Variants in FAM20C observed in about 807,000 individuals in gnomAD.
FAM20C encodes the protein extracellular serine/threonine protein kinase FAM20C.
In FAM20C, 40 loss-of-function variants were observed where a neutral mutation model predicts 51.5. The ratio of observed to expected loss-of-function variants is 0.78; its 90% CI spans 0.60 to 1.01. The LOEUF is 1.01. Ranked by LOEUF, FAM20C falls within the 50% of genes least tolerant of loss-of-function variation. The probability of loss-of-function intolerance (pLI) is 0.00; values close to 1 mark genes in which losing one functional copy is unlikely to be tolerated. For synonymous variants in FAM20C, 406 were observed against 380.6 expected (o/e 1.07, Z -0.78); for missense variants, 861 against 844.7 (o/e 1.02, Z -0.24).
rs988673420 is a variant in FAM20C, at chr7:260,200, C to T, written c.*220C>T. ...GGGAAGGAAGCGCTGTCTGTGCTCA[C>T]GGACAGAGGCGGCCGGCGCCGGAGG... On this transcript the variant is annotated 3_prime_UTR_variant, in exon 10 of 10. Transcript: ENST00000313766. The T allele has an allele frequency of 8.0e-5, 46 of 573,594 alleles. No individual in the cohort carries two copies. The highest frequency in any genetic ancestry group is 1.5e-4 in the African/African-American group (8 of 52,756). The allele number at this position is 573,594 out of a possible 1,614,324, so 35.5% of individuals were successfully genotyped here.
chr7:195,837 A>T, intron 2 of FAM20C, 105 bp downstream of exon 2: 1 of 1,160,036 alleles, frequency 8.6e-7, no homozygotes, highest in Non-Finnish European at 1.1e-6. Flanking sequence ...GCCGTTGCTC[A>T]TTACGGCAGC....
At chr7:251,905 A>C (rs894668161) in intron 5 of FAM20C, among the ~76,000 whole-genome samples, 2 of 152,196 alleles carry the variant, frequency 1.3e-5, no homozygotes, top group African/African-American at 4.8e-5. Flanking sequence ...CTCCCAGAGC[A>C]GCCAGGCCCA....
intron 2 of FAM20C, among the ~76,000 whole-genome samples, chr7:205,786 C>A (rs1370180024): frequency 6.6e-6 from 1 of 152,070 alleles, no homozygotes; most frequent in Non-Finnish European, 1.5e-5. Context: ...GTGCTCCTGG[C>A]CTTCCTGGAG....
At chr7:195,257 A>T in intron 1 of FAM20C, 1 of 325,706 alleles carries the variant, frequency 3.1e-6, no homozygotes, top group East Asian at 4.8e-5. Flanking sequence ...CGTGGCGGGG[A>T]TGGCAGGGCA....
intron 3 of FAM20C, among the ~76,000 whole-genome samples, chr7:243,940 TAA>T (rs1562390971): frequency 3.7e-5 from 5 of 135,856 alleles, no homozygotes; most frequent in East Asian, 4.3e-4. Flanking sequence ...ATAATAATAA[TAA>T]TAATTATTAT....
rs192542992 is a variant in FAM20C, at chr7:195,751, A to G, written c.784+19A>G. Reference sequence around the variant, plus strand: ...AGCGTGGGTAGGTGTCCTTGGGTGCACTCAGGGCCGTCTGTGTGCCGGCTG... The same window carrying G: ...AGCGTGGGTAGGTGTCCTTGGGTGCGCTCAGGGCCGTCTGTGTGCCGGCTG... On this transcript the variant is annotated intron_variant, in intron 2 of 9. Coordinates refer to ENST00000313766, the MANE Select transcript of FAM20C (RefSeq NM_020223.4). 5.8e-6 allele frequency: 9 copies of G among 1,563,788 alleles called. No individual in the cohort carries two copies. The East Asian group carries it at 7.0e-5, about 12-fold the overall frequency.
At position 255,416 on chromosome 7, in the gene FAM20C, G is replaced by GT. The variant is rs1054663965; in HGVS notation, c.1073-425dup. Among the ~76,000 whole-genome samples, 21 of 151,996 alleles carry GT rather than the reference G, an allele frequency of 1.4e-4. 1 individual carries two copies. The highest frequency in any genetic ancestry group is 3.3e-4 in the Admixed American group (5 of 15,256). ...GTTCAAGCCCTCTGCCCATTTATTAGTTTTTTTTGTCTTTTTGTGATTGAG... is the reference window on the plus strand; with the variant it reads ...GTTCAAGCCCTCTGCCCATTTATTAGTTTTTTTTTGTCTTTTTGTGATTGAG... On this transcript the variant is annotated intron_variant, in intron 5 of 9. Coordinates refer to ENST00000313766, the MANE Select transcript of FAM20C (RefSeq NM_020223.4).
chr7:260,116 A>T lies in FAM20C; in HGVS notation c.*136A>T. The T allele has an allele frequency of 8.2e-7, 1 of 1,222,904 alleles. No individual in the cohort carries two copies. The highest frequency in any genetic ancestry group is 1.1e-6 in the Non-Finnish European group (1 of 922,822). The allele number at this position is 1,222,904 out of a possible 1,614,324, so 75.8% of individuals were successfully genotyped here. A position where few individuals can be genotyped will look rare whatever the true frequency, so the allele number is the denominator to read the frequency against. ...CGGAGTCGGGAGCTGCTGCCACAGG[A>T]GGCGAGGCTCCCCAGGTCTCATAGG... On this transcript the variant is annotated 3_prime_UTR_variant, in exon 10 of 10. Transcript: ENST00000313766.
chr7:236,145 C>T (rs1198092583), intron 3 of FAM20C, among the ~76,000 whole-genome samples: 1 of 152,056 alleles, frequency 6.6e-6, no homozygotes, highest in African/African-American at 2.4e-5. Context: ...GCCTTTTTCC[C>T]GGGGGCTGAA....
intron 4 of FAM20C, among the ~76,000 whole-genome samples, chr7:247,484 C>T (rs1401332856): frequency 6.6e-6 from 1 of 152,190 alleles, no homozygotes; most frequent in Non-Finnish European, 1.5e-5. Context: ...AATGCAGAGT[C>T]CTGGGCTCCA....
chr7:241,556 T>TGTG (rs1554254229), intron 3 of FAM20C, among the ~76,000 whole-genome samples: 1 of 148,952 alleles, frequency 6.7e-6, no homozygotes, highest in East Asian at 2.0e-4. Context: ...TCTGTGGGGG[T>TGTG]TGTGTGTGTG....
chr7:193,145 G>A lies in FAM20C; in HGVS notation c.-55G>A, dbSNP rs1311773435. On this transcript the variant is annotated 5_prime_UTR_variant, in exon 1 of 10. Coordinates refer to ENST00000313766, the MANE Select transcript of FAM20C (RefSeq NM_020223.4). Reference sequence around the variant, plus strand: ...GGCGCCGCGCTCGTGCCCAGCTGCAGCTAGAGGGGCGCGCGGGCAGAACGC... The same window carrying A: ...GGCGCCGCGCTCGTGCCCAGCTGCAACTAGAGGGGCGCGCGGGCAGAACGC... 9 of 1,407,618 alleles carry A rather than the reference G, an allele frequency of 6.4e-6. No homozygotes were observed. The highest frequency in any genetic ancestry group is 2.6e-5 in the South Asian group (2 of 78,326). 87.2% of individuals were successfully genotyped at this position (1,407,618 alleles called of 1,614,324 possible).
At chr7:233,336 C>T (rs1469583651) in intron 3 of FAM20C, among the ~76,000 whole-genome samples, 2 of 152,346 alleles carry the variant, frequency 1.3e-5, no homozygotes, top group East Asian at 1.9e-4. Flanking sequence ...TTGGAGGAAA[C>T]AGGTCGTAAT....
At chr7:254,899 G>A (rs549113301) in intron 5 of FAM20C, among the ~76,000 whole-genome samples, 17 of 152,078 alleles carry the variant, frequency 1.1e-4, no homozygotes, top group South Asian at 4.2e-4. Context: ...CAGGGTTCTC[G>A]GGTTCAGTGA....
Position 253,311 on chromosome 7 carries a change from C to T in FAM20C, c.1073-2538C>T, listed in dbSNP as rs141353683. 5.4e-3 allele frequency among the ~76,000 whole-genome samples: 829 copies of T among 152,290 alleles called. 6 individuals are homozygous for T. Among genetic ancestry groups the T allele is most frequent in the African/African-American group, 0.019 (777 of 41,548 alleles). ...GCTGGGTCAGCCCCGACACAGTCAG[C>T]GAAAGGAATGGTGGGAGACGCTTGA... On this transcript the variant is annotated intron_variant, in intron 5 of 9. Transcript: ENST00000313766.
In FAM20C at chr7:246,493, C is replaced by T; in HGVS notation, c.942C>T (p.Ala314=). The T allele has an allele frequency of 6.5e-7, 1 of 1,536,862 alleles. No homozygotes were observed. ...AGAGGCACAATGCGGAGATTGCTGC[C>T]TTCCACCTGGACAGGTGAGCCCTTC... ...DYERHNAEIA[A]FHLDRILDFR... is the part of the protein sequence containing the mutation. Residue 314 remains alanine, a synonymous_variant, in exon 4 of 10, where the codon GCC becomes GCT. Coordinates refer to ENST00000313766, the MANE Select transcript of FAM20C (RefSeq NM_020223.4).
chr7:196,338 C>A (rs1457034396), intron 2 of FAM20C, among the ~76,000 whole-genome samples: 1 of 152,248 alleles, frequency 6.6e-6, no homozygotes, highest in Non-Finnish European at 1.5e-5. Context: ...CAAAAAAGGG[C>A]ATCCAGTTGC....
intron 5 of FAM20C, among the ~76,000 whole-genome samples, chr7:254,856 T>G (rs936426207): frequency 1.3e-5 from 2 of 152,240 alleles, no homozygotes; most frequent in African/African-American, 4.8e-5. Context: ...ATACGACGTG[T>G]GGCCTCCTCT....
intron 3 of FAM20C, among the ~76,000 whole-genome samples, chr7:233,372 A>C (rs946682822): frequency 4.4e-4 from 67 of 152,292 alleles, no homozygotes; most frequent in African/African-American, 1.5e-3. Flanking sequence ...GCTGGGACTA[A>C]ATCACCGTGT....
Sources: allele counts gnomAD v4.1 joint callset (sites outside exome capture counted in the v4.1 genomes callset), GRCh38; gene constraint gnomAD v4.1.1; transcripts MANE v1.5; gene names NCBI Gene and HGNC (gene_info 2026-07-23, HGNC 2026-07-21).